The following PCDHA8 variants were observed in gnomAD, a reference collection of about 807,000 sequenced individuals.
PCDHA8 encodes protocadherin alpha-8.
PCDHA8 carries 53 observed loss-of-function variants against 61.8 expected under a neutral mutation model. The ratio of observed to expected loss-of-function variants is 0.86; its 90% CI spans 0.69 to 1.08. The LOEUF is 1.08. PCDHA8 is among the 50% of genes least tolerant of loss of function. The pLI, the probability that PCDHA8 is intolerant of heterozygous loss-of-function variation, is 0.00. For missense variants in PCDHA8, 1,293 were observed against 1,245.0 expected, an observed-to-expected ratio of 1.04 and a Z score of -0.58; for synonymous variants, 618 against 556.6, an observed-to-expected ratio of 1.11 and a Z score of -1.55.
At chr5:140,854,746 A>G (rs1562496146) in intron 1 of PCDHA8, 1 of 149,836 alleles carries the variant, frequency 6.7e-6, no homozygotes, top group Non-Finnish European at 1.5e-5. Context: ...CAGCACAGAT[A>G]TATTACATTT....
intron 1 of PCDHA8, among the ~76,000 whole-genome samples, chr5:140,938,877 A>ACACACACACACACAGATG (rs2092241507): frequency 1.3e-5 from 2 of 150,854 alleles, no homozygotes; most frequent in South Asian, 4.2e-4. Context: ...TTAAGAAGCA[A>ACACACACACACACAGATG]CACACACACA....
intron 1 of PCDHA8, among the ~76,000 whole-genome samples, chr5:140,872,775 A>G (rs2053889520): frequency 1.3e-5 from 2 of 152,182 alleles, no homozygotes; most frequent in Non-Finnish European, 1.5e-5. Context: ...TATATTATCT[A>G]TAATATATGC....
At position 140,886,685 on chromosome 5, in the gene PCDHA8, G is replaced by A. The variant is rs1250817978; in HGVS notation, c.2394+42970G>A. On this transcript the variant is annotated intron_variant, in intron 1 of 3. Transcript: ENST00000531613. The stretch of plus-strand genomic sequence containing the variant: ...TACTAAAAATACAAAAATTAGCGAG[G>A]CATGGTGGCACGCGCCTGTAATCCC... Among the ~76,000 whole-genome samples the A allele has an allele frequency of 2.6e-5, 4 of 152,080 alleles. No homozygotes were observed. In the East Asian group the frequency reaches 7.8e-4, roughly 30 times the overall value.
At chr5:140,850,905 A>G in intron 1 of PCDHA8, 1 of 1,550,536 alleles carries the variant, frequency 6.4e-7, no homozygotes, top group Non-Finnish European at 8.7e-7. Context: ...TTTTTCTAGC[A>G]TTTTATTTAT....
Position 140,966,702 on chromosome 5 carries a change from G to A in PCDHA8, c.2395-12247G>A, listed in dbSNP as rs2153748522. On this transcript the variant is annotated intron_variant, in intron 1 of 3. Transcript: ENST00000531613. Reference sequence around the variant, plus strand: ...ACGAGCGGAGGCGGGGCCCGGGCGTGGGGCACGGCTGGGGAAGCTGCCGCC... The same window carrying A: ...ACGAGCGGAGGCGGGGCCCGGGCGTAGGGCACGGCTGGGGAAGCTGCCGCC... 3.7e-6 allele frequency: 5 copies of A among 1,367,880 alleles called. No homozygotes were observed. The South Asian group carries it at 6.9e-5, about 19-fold the overall frequency. 84.7% of individuals were successfully genotyped at this position (1,367,880 alleles called of 1,614,324 possible).
chr5:140,955,073 C>T (rs2095133365), intron 1 of PCDHA8, among the ~76,000 whole-genome samples: 1 of 152,146 alleles, frequency 6.6e-6, no homozygotes, highest in South Asian at 2.1e-4. Context: ...TGTTGAAGAT[C>T]AGATGGTTGT....
In PCDHA8 at chr5:140,883,232, G is replaced by C. The variant is rs782490836; in HGVS notation, c.2394+39517G>C. 3 of 1,613,952 alleles carry C rather than the reference G, an allele frequency of 1.9e-6. No individual in the cohort carries two copies. The Admixed American group carries it at 5.0e-5, about 27-fold the overall frequency. On this transcript the variant is annotated intron_variant, in intron 1 of 3. Transcript: ENST00000531613. ...GAAATTATATGAAATATCCGTGGAGGCAGTTGACAAAGGAAATATTCCAAT... is the reference window on the plus strand; with the variant it reads ...GAAATTATATGAAATATCCGTGGAGCCAGTTGACAAAGGAAATATTCCAAT...
intron 1 of PCDHA8, chr5:140,863,410 G>C: frequency 5.3e-6 from 4 of 753,286 alleles, no homozygotes; most frequent in African/African-American, 1.8e-5. Context: ...GCCCACGCTG[G>C]TGTACCGCAG....
intron 1 of PCDHA8, chr5:140,858,372 C>CACATCT: frequency 6.3e-7 from 1 of 1,587,864 alleles, no homozygotes; most frequent in Non-Finnish European, 8.6e-7. Flanking sequence ...CCCAGCCTTC[C>CACATCT]ACCATGCCCA....
intron 1 of PCDHA8, chr5:140,928,696 C>G: frequency 6.2e-7 from 1 of 1,614,146 alleles, no homozygotes. Flanking sequence ...CCACATCTCC[C>G]GGGCGTCTGA....
intron 1 of PCDHA8, chr5:140,863,620 A>G (rs2048096081): frequency 3.1e-6 from 1 of 322,758 alleles, no homozygotes; most frequent in Non-Finnish European, 6.1e-6. Context: ...CCTCATAGTG[A>G]CATTGATAAT....
At chr5:140,876,561 T>G in intron 1 of PCDHA8, 2 of 1,614,162 alleles carry the variant, frequency 1.2e-6, no homozygotes, top group Non-Finnish European at 1.7e-6. Flanking sequence ...AAGAGGATGC[T>G]CAGGTGGGTA....
At chr5:140,955,043 T>C (rs1285355120) in intron 1 of PCDHA8, among the ~76,000 whole-genome samples, 1 of 152,176 alleles carries the variant, frequency 6.6e-6, no homozygotes, top group Non-Finnish European at 1.5e-5. Context: ...CTTTTCCTCA[T>C]TGCTTGTTTT....
At chr5:140,895,038 C>G (rs1554186328) in intron 1 of PCDHA8, among the ~76,000 whole-genome samples, 1 of 152,104 alleles carries the variant, frequency 6.6e-6, no homozygotes, top group African/African-American at 2.4e-5. Context: ...TGTCCCCCAC[C>G]CACACCATTC....
chr5:140,856,716 G>T (rs1482820775), intron 1 of PCDHA8: 1 of 1,596,628 alleles, frequency 6.3e-7, no homozygotes, highest in Admixed American at 1.7e-5. Context: ...GAATTTACCG[G>T]ATCTGTTTCT....
rs2150345811 is a variant in PCDHA8, at chr5:140,842,833, G to A, written c.1512G>A (p.Leu504=). ...AGCGGCGGGTGGGCGAGCGCTCGCT[G>A]TCGAGCTACATTTCGGTGCACACGG... The part of the protein sequence containing the change: ...LVERRVGERS[L]SSYISVHTES... Residue 504 remains leucine (L), a synonymous_variant, in exon 1 of 4, where the codon CTG becomes CTA. Transcript: ENST00000531613. 5.6e-6 allele frequency: 9 copies of A among 1,593,762 alleles called. No individual in the cohort carries two copies.
At chr5:140,938,849 T>C (rs961236945) in intron 1 of PCDHA8, among the ~76,000 whole-genome samples, 1 of 152,102 alleles carries the variant, frequency 6.6e-6, no homozygotes, top group Admixed American at 6.6e-5. Flanking sequence ...CCTGCCCATG[T>C]ACCCCTGAAC....
At chr5:140,883,705 T>G (rs251380) in intron 1 of PCDHA8, 1,065,865 of 1,613,504 alleles carry the variant, frequency 0.66, 353,266 homozygotes, top group Middle Eastern at 0.71. Flanking sequence ...CGGTGTCTGC[T>G]CAGGACGCGG....
At chr5:140,851,058 T>G in intron 1 of PCDHA8, 1 of 1,377,986 alleles carries the variant, frequency 7.3e-7, no homozygotes, top group African/African-American at 1.5e-5. Context: ...TTGTCTTGAC[T>G]TCTAGTGAGA....
Sources: allele counts gnomAD v4.1 joint callset (sites outside exome capture counted in the v4.1 genomes callset), GRCh38; gene constraint gnomAD v4.1.1; transcripts MANE v1.5; gene names NCBI Gene and HGNC (gene_info 2026-07-23, HGNC 2026-07-21).